The following TREH variants were observed in gnomAD, a reference collection of about 807,000 sequenced individuals.
The protein encoded by TREH is alpha,alpha-trehalose glucohydrolase.
In TREH, 69 loss-of-function variants were observed where a neutral mutation model predicts 80.5. The observed-to-expected ratio is 0.86, with a 90% confidence interval of 0.71 to 1.05. The LOEUF (loss-of-function observed/expected upper bound fraction) is 1.05, where lower values mean the gene tolerates loss of function less well. TREH is among the 50% of genes least tolerant of loss of function. The probability of loss-of-function intolerance (pLI) is 0.00; values close to 1 mark genes in which losing one functional copy is unlikely to be tolerated. For missense variants in TREH, 716 were observed against 718.8 expected, an observed-to-expected ratio of 1.00 and a Z score of 0.04; for synonymous variants, 309 against 293.5, an observed-to-expected ratio of 1.05 and a Z score of -0.54.
At chr11:118,675,679 C>T (rs1358703471) in intron 1 of TREH, among the ~76,000 whole-genome samples, 3 of 152,094 alleles carry the variant, frequency 2.0e-5, no homozygotes, top group African/African-American at 7.2e-5. Context: ...ATGTGTTCAC[C>T]AACCAGGACT....
chr11:118,659,731 C>T lies in TREH; in HGVS notation c.1320+16G>A, dbSNP rs1555144449. The T allele has an allele frequency of 6.4e-7, 1 of 1,561,056 alleles. No homozygotes were observed. The highest frequency in any genetic ancestry group is 2.4e-5 in the East Asian group (1 of 41,788). On this transcript the variant is annotated intron_variant, in intron 11 of 14. Transcript: ENST00000264029. ...TGCTGCCTGCAGTGGACCCGAGCCA[C>T]CTGCTGTGCCCTCACCTCCAGGTAT... is the stretch of plus-strand genomic sequence containing the variant.
In TREH at chr11:118,663,398, AT is replaced by A; in HGVS notation, c.130del (p.Met44TrpfsTer18). ...CTTGTCATCCTGGTAGAGCTTGGCC[AT>A]TTGAACTTGGTTTAGGAGCTCCCCG... Reference protein sequence around the residue: ...CHGELLNQVQMAKLYQDDKQF... With the variant: ...CHGELLNQVQXAKLYQDDKQF... On this transcript the variant is annotated frameshift_variant, in exon 2 of 15. Coordinates refer to ENST00000264029, the MANE Select transcript of TREH (RefSeq NM_007180.3). LOFTEE classifies it high-confidence loss of function. The A allele has an allele frequency of 6.3e-7, 1 of 1,596,854 alleles. No homozygotes were observed. Among genetic ancestry groups the A allele is most frequent in the South Asian group, 1.1e-5 (1 of 87,282 alleles).
chr11:118,676,930 T>C (rs1259800379), intron 1 of TREH, among the ~76,000 whole-genome samples: 1 of 152,218 alleles, frequency 6.6e-6, no homozygotes, highest in African/African-American at 2.4e-5. Flanking sequence ...ATACAAGAAG[T>C]GGCTTATACA....
chr11:118,658,512 C>A, intron 14 of TREH, 71 bp from the exon 15 acceptor site: 1 of 1,559,784 alleles, frequency 6.4e-7, no homozygotes, highest in South Asian at 1.2e-5. Flanking sequence ...TGTGGGCTCT[C>A]TCCCCAGGGG....
chr11:118,668,897 C>A (rs186159434), intron 1 of TREH, among the ~76,000 whole-genome samples: 56 of 152,168 alleles, frequency 3.7e-4, no homozygotes, highest in African/African-American at 1.2e-3. Flanking sequence ...GTGCTCCAGC[C>A]TGGGTGACAG....
rs140799949 is a variant in TREH at position 118,663,019 on chromosome 11, G to A, written c.335+33C>T. The A allele has an allele frequency of 5.2e-4, 840 of 1,611,056 alleles. 10 individuals are homozygous for A. The East Asian group carries it at 0.012, about 23-fold the overall frequency. On this transcript the variant is annotated intron_variant, in intron 3 of 14. Coordinates refer to ENST00000264029, the MANE Select transcript of TREH (RefSeq NM_007180.3). ...TTCAAGGAGGCAGCTCAGTTGGAAG[G>A]AACCCTCTCTTGTTCCCCTTCCAGA...
Position 118,660,662 on chromosome 11 carries a change from G to GC in TREH, c.978dup (p.Leu327AlafsTer11). 1.9e-6 allele frequency: 3 copies of GC among 1,605,354 alleles called. No individual in the cohort carries two copies. The highest frequency in any genetic ancestry group is 2.6e-6 in the Non-Finnish European group (3 of 1,175,898). On this transcript the variant is annotated frameshift_variant, in exon 10 of 15. Coordinates refer to ENST00000264029, the MANE Select transcript of TREH (RefSeq NM_007180.3). LOFTEE classifies it high-confidence loss of function. ...GAGTTGGGGTTTGGGCCTCCAATGA[G>GC]CCAGCGTGAAGAGAAGTCCCAGCCA...
chr11:118,675,247 G>A (rs1405448495), intron 1 of TREH, among the ~76,000 whole-genome samples: 1 of 152,106 alleles, frequency 6.6e-6, no homozygotes, highest in Admixed American at 6.5e-5. Flanking sequence ...GTGAGTCAGG[G>A]TCATTCTAGT....
intron 9 of TREH, 34 bp downstream of exon 9, chr11:118,660,832 G>A (rs782527651): frequency 1.3e-6 from 2 of 1,557,116 alleles, no homozygotes; most frequent in South Asian, 1.2e-5. Context: ...CAGCTGCCCT[G>A]CCCCCAGCCC....
chr11:118,679,563 T>C lies in TREH; in HGVS notation c.65A>G (p.Glu22Gly). ...CCTCTCACAGGGTGGGGGTAGGGCC[T>C]CCTGGGACCCCAGTCCCAGCCCCAG... ...LLLGLGLGSQ[E>G]ALPPPCESEI... The change falls in exon 1 of 15, where the codon GAG (glutamate) becomes GGG (glycine). Residue 22 changes from glutamate to glycine, a missense_variant. Physicochemically the swap from Glu to Gly is moderately conservative, Grantham distance 98. Coordinates refer to ENST00000264029, the MANE Select transcript of TREH (RefSeq NM_007180.3). 1 of 1,547,644 alleles carries C rather than the reference T, an allele frequency of 6.5e-7. No homozygotes were observed.
At chr11:118,673,592 G>T (rs1003136556) in intron 1 of TREH, among the ~76,000 whole-genome samples, 1 of 152,232 alleles carries the variant, frequency 6.6e-6, no homozygotes, top group South Asian at 2.1e-4. Context: ...AGGTGAGCAC[G>T]CAGGGATGTC....
At chr11:118,659,544 G>A in intron 11 of TREH, 63 bp from the exon 12 acceptor site, 5 of 1,436,988 alleles carry the variant, frequency 3.5e-6, no homozygotes, top group East Asian at 2.5e-5. Flanking sequence ...AGGACAGGAC[G>A]CTGGACCCCG....
intron 1 of TREH, among the ~76,000 whole-genome samples, chr11:118,673,836 A>G (rs1949452173): frequency 6.6e-6 from 1 of 152,212 alleles, no homozygotes; most frequent in Admixed American, 6.5e-5. Flanking sequence ...GCCTTCTTTG[A>G]TCAGAGTAAC....
chr11:118,672,979 C>T (rs916669197), intron 1 of TREH, among the ~76,000 whole-genome samples: 1 of 152,112 alleles, frequency 6.6e-6, no homozygotes, highest in Non-Finnish European at 1.5e-5. Flanking sequence ...TCTCCCAGCC[C>T]CTCTTCCCTT....
chr11:118,675,792 C>T (rs536176366), intron 1 of TREH, among the ~76,000 whole-genome samples: 1,411 of 2,924 alleles, frequency 0.48, 13 homozygotes, highest in Middle Eastern at 0.5. Flanking sequence ...CAACCTCCAC[C>T]TCCCAGGTCA....
intron 1 of TREH, among the ~76,000 whole-genome samples, chr11:118,669,395 C>A (rs506234): frequency 2.0e-5 from 3 of 152,042 alleles, no homozygotes; most frequent in African/African-American, 7.2e-5. Context: ...TCTGCACTCC[C>A]ATGTTTATTG....
Position 118,659,360 on chromosome 11 carries a change from G to A in TREH, c.1432+10C>T, listed in dbSNP as rs1555144274. The A allele has an allele frequency of 6.5e-7, 1 of 1,544,038 alleles. No individual in the cohort carries two copies. Among genetic ancestry groups the A allele is most frequent in the East Asian group, 2.3e-5 (1 of 43,690 alleles). ...AAGGGTCCTTGGCTGTGTCAGCCCT[G>A]CCTCCCTACCTCTGATGACCAGGTC... On this transcript the variant is annotated intron_variant, in intron 12 of 14. Transcript: ENST00000264029.
Position 118,662,971 on chromosome 11 carries a change from G to A in TREH, c.336-3C>T, listed in dbSNP as rs1555145267. On this transcript the variant is annotated splice_region_variant and splice_polypyrimidine_tract_variant and intron_variant, in intron 3 of 14. Coordinates refer to ENST00000264029, the MANE Select transcript of TREH (RefSeq NM_007180.3). ...AAATCTTCTGCAGGAACTGGGGGCTGAAAGAACACAGGCCCCACAGGGTTC... is the reference window on the plus strand; with the variant it reads ...AAATCTTCTGCAGGAACTGGGGGCTAAAAGAACACAGGCCCCACAGGGTTC... The A allele has an allele frequency of 6.2e-7, 1 of 1,612,406 alleles. No homozygotes were observed. Among genetic ancestry groups the A allele is most frequent in the Non-Finnish European group, 8.5e-7 (1 of 1,179,028 alleles).
At position 118,658,197 on chromosome 11, in the gene TREH, G is replaced by A. The variant is rs371695910; in HGVS notation, c.*92C>T. On this transcript the variant is annotated 3_prime_UTR_variant, in exon 15 of 15. Coordinates refer to ENST00000264029, the MANE Select transcript of TREH (RefSeq NM_007180.3). ...ACTTCGCTCTGAGGACAGGCTGGGAGGTAGGAGGGCATGAAGAGGCAGGGG... is the reference window on the plus strand; with the variant it reads ...ACTTCGCTCTGAGGACAGGCTGGGAAGTAGGAGGGCATGAAGAGGCAGGGG... 366 of 1,480,624 alleles carry A rather than the reference G, an allele frequency of 2.5e-4. No homozygotes were observed. In the East Asian group the frequency reaches 6.6e-3, roughly 27 times the overall value. The allele number at this position is 1,480,624 out of a possible 1,614,324, so 91.7% of individuals were successfully genotyped here.
Sources: gnomAD v4.1 joint callset for allele counts (sites outside exome capture counted in the v4.1 genomes callset) on GRCh38, gnomAD v4.1.1 for gene constraint, MANE v1.5 for transcripts, NCBI Gene and HGNC (gene_info 2026-07-23, HGNC 2026-07-21) for gene names.